SCN11A: variants seen among roughly 807,000 people sequenced by gnomAD.
SCN11A encodes sodium channel protein type 11 subunit alpha.
Under a neutral mutation model 162.2 loss-of-function variants are expected in SCN11A, and 122 were observed. The ratio of observed to expected loss-of-function variants is 0.75; its 90% CI spans 0.65 to 0.87. The LOEUF (loss-of-function observed/expected upper bound fraction) is 0.87, where lower values mean the gene tolerates loss of function less well. SCN11A is among the 40% of genes least tolerant of loss of function. The pLI is 0.00. For synonymous variants in SCN11A, 758 were observed against 751.5 expected (o/e 1.01, Z -0.14); for missense variants, 2,015 against 2,181.6 (o/e 0.92, Z 1.52).
intron 1 of SCN11A, among the ~76,000 whole-genome samples, chr3:39,044,129 T>A (rs1306903752): frequency 2.6e-5 from 4 of 151,970 alleles, no homozygotes; most frequent in African/African-American, 9.7e-5. Context: ...AATAAAGGGA[T>A]CAATTCAGTA....
chr3:38,974,694 CAAAAAAAAAA>C (rs773028321), intron 2 of SCN11A, among the ~76,000 whole-genome samples: 1 of 48,150 alleles, frequency 2.1e-5, no homozygotes, highest in Non-Finnish European at 4.7e-5. Context: ...GACTCCGTCT[CAAAAAAAAAA>C]AAAAAAAAAG....
At chr3:38,972,199 C>T (rs976591210) in intron 2 of SCN11A, among the ~76,000 whole-genome samples, 1 of 152,180 alleles carries the variant, frequency 6.6e-6, no homozygotes, top group African/African-American at 2.4e-5. Context: ...GCTGTGCCTG[C>T]CTGGATGGGG....
chr3:38,897,520 T>G (rs897261808), intron 17 of SCN11A, among the ~76,000 whole-genome samples: 2 of 151,782 alleles, frequency 1.3e-5, no homozygotes, highest in Admixed American at 6.6e-5. Flanking sequence ...ATTGAGACCA[T>G]CCTGGCCAAC....
At chr3:39,040,650 G>C (rs984422477) in intron 1 of SCN11A, among the ~76,000 whole-genome samples, 1 of 152,142 alleles carries the variant, frequency 6.6e-6, no homozygotes, top group African/African-American at 2.4e-5. Context: ...TTAATGCTCT[G>C]AATGAGAAAT....
chr3:38,984,753 C>A (rs551892178), intron 2 of SCN11A, among the ~76,000 whole-genome samples: 4 of 152,130 alleles, frequency 2.6e-5, no homozygotes, highest in African/African-American at 9.7e-5. Context: ...TCAGGTGATC[C>A]GCCCACCTTG....
At chr3:39,031,013 G>A (rs1465546441) in intron 2 of SCN11A, among the ~76,000 whole-genome samples, 1 of 152,176 alleles carries the variant, frequency 6.6e-6, no homozygotes, top group East Asian at 1.9e-4. Context: ...CAGTGGGAAA[G>A]CTAGATGGAG....
chr3:38,887,229 T>C (rs558362188), intron 19 of SCN11A, among the ~76,000 whole-genome samples: 2 of 152,154 alleles, frequency 1.3e-5, no homozygotes, highest in East Asian at 3.9e-4. Flanking sequence ...CAGAACCTAC[T>C]TCAGGCTGTA....
chr3:39,037,353 T>A (rs74878299), intron 1 of SCN11A, among the ~76,000 whole-genome samples: 1 of 152,072 alleles, frequency 6.6e-6, no homozygotes, highest in Admixed American at 6.6e-5. Flanking sequence ...GTCAGGGAAG[T>A]GGGTATCATT....
At chr3:38,946,646 A>G (rs961796911) in intron 6 of SCN11A, 143 bp downstream of exon 6, 2 of 666,720 alleles carry the variant, frequency 3.0e-6, no homozygotes, top group African/African-American at 1.8e-5. Context: ...CATCCAGCAC[A>G]GTCCCTGCCT....
chr3:38,991,666 T>G (rs2030455831), intron 2 of SCN11A, among the ~76,000 whole-genome samples: 2 of 152,160 alleles, frequency 1.3e-5, no homozygotes, highest in African/African-American at 4.8e-5. Context: ...GAAGCGGAGT[T>G]GATGTTAAGG....
At chr3:38,897,601 A>C (rs975848954) in intron 17 of SCN11A, among the ~76,000 whole-genome samples, 3 of 152,058 alleles carry the variant, frequency 2.0e-5, no homozygotes, top group Non-Finnish European at 4.4e-5. Flanking sequence ...CTGTAGTCCC[A>C]GCTACTCGGG....
Position 38,894,666 on chromosome 3 carries a change from G to A in SCN11A, c.2702C>T (p.Thr901Ile). 1 of 1,614,098 alleles carries A rather than the reference G, an allele frequency of 6.2e-7. No individual in the cohort carries two copies. Among genetic ancestry groups the A allele is most frequent in the Non-Finnish European group, 8.5e-7 (1 of 1,179,976 alleles). ...SETQEELGIL[T>I]SVPKTLGVRH... ...GACGCCCAGGGTCTTTGGTACAGAG[G>A]TTAGTATACCAAGCTCCTCCTGGGT... Residue 901 changes from threonine (T) to isoleucine (I), a missense_variant, in exon 19 of 30, where the codon ACC becomes ATC. Transcript: ENST00000302328.
chr3:38,882,590 G>A (rs2065327197), intron 22 of SCN11A, among the ~76,000 whole-genome samples: 3 of 152,134 alleles, frequency 2.0e-5, no homozygotes, highest in African/African-American at 7.2e-5. Context: ...TCCCTAGCAG[G>A]GAGGAGAAAG....
At chr3:38,951,926 T>C (rs545424406) in intron 4 of SCN11A, among the ~76,000 whole-genome samples, 128 of 152,274 alleles carry the variant, frequency 8.4e-4, no homozygotes, top group African/African-American at 3.0e-3. Context: ...AAAATCAGGC[T>C]GCTGGAGCCA....
At chr3:38,871,856 A>G (rs1182611965) in intron 24 of SCN11A, 148 bp from the exon 25 acceptor site, 8 of 688,988 alleles carry the variant, frequency 1.2e-5, no homozygotes, top group Non-Finnish European at 1.2e-5. Context: ...TCCCCATGAC[A>G]AGCCCTGCTC....
chr3:38,855,902 C>T (rs2064861025), intron 28 of SCN11A, among the ~76,000 whole-genome samples: 1 of 152,186 alleles, frequency 6.6e-6, no homozygotes, highest in African/African-American at 2.4e-5. Flanking sequence ...TCTTTGCAAA[C>T]ATTCCCCAGC....
chr3:38,958,499 T>C (rs2066709122), intron 3 of SCN11A, among the ~76,000 whole-genome samples: 1 of 152,212 alleles, frequency 6.6e-6, no homozygotes, highest in Admixed American at 6.5e-5. Context: ...ATCCTCACAA[T>C]GTCCAATTTG....
At chr3:38,967,023 A>G (rs971117734) in intron 2 of SCN11A, among the ~76,000 whole-genome samples, 1 of 152,228 alleles carries the variant, frequency 6.6e-6, no homozygotes, top group Non-Finnish European at 1.5e-5. Flanking sequence ...AAGGGTGTGC[A>G]CTTGAGATGA....
At chr3:39,035,942 T>C (rs17495927) in intron 1 of SCN11A, among the ~76,000 whole-genome samples, 15,813 of 152,100 alleles carry the variant, frequency 0.1, 1,049 homozygotes, top group East Asian at 0.22. Context: ...CCTGGCAACA[T>C]TGAAGTTTTG....
Sources: allele counts gnomAD v4.1 joint callset (sites outside exome capture counted in the v4.1 genomes callset), GRCh38; gene constraint gnomAD v4.1.1; transcripts MANE v1.5; gene names NCBI Gene and HGNC (gene_info 2026-07-23, HGNC 2026-07-21).